STON1: variants seen among roughly 807,000 people sequenced by gnomAD.
STON1 encodes the protein stonin-1.
STON1 carries 79 observed loss-of-function variants against 60.9 expected under a neutral mutation model. The observed-to-expected ratio is 1.30, with a 90% confidence interval of 1.08 to 1.56. The LOEUF is 1.56. STON1 is among the 40% of genes most tolerant of loss of function. STON1 has a pLI of 0.00. For synonymous variants in STON1, 363 were observed against 306.9 expected (o/e 1.18, Z -1.91); for missense variants, 1,166 against 858.9 (o/e 1.36, Z -4.47).
chr2:48,587,715 A>G (rs986626389), intron 2 of STON1, among the ~76,000 whole-genome samples: 1 of 152,214 alleles, frequency 6.6e-6, no homozygotes, highest in African/African-American at 2.4e-5. Flanking sequence ...TCATATCACC[A>G]GGCCCACAGA....
At chr2:48,561,668 G>A (rs1172507583) in intron 1 of STON1, among the ~76,000 whole-genome samples, 1 of 152,124 alleles carries the variant, frequency 6.6e-6, no homozygotes, top group Non-Finnish European at 1.5e-5. Flanking sequence ...TAGCATTCCT[G>A]ATTGTCAGTT....
intron 1 of STON1, among the ~76,000 whole-genome samples, chr2:48,570,959 C>T (rs1481983145): frequency 8.1e-5 from 12 of 147,958 alleles, no homozygotes; most frequent in African/African-American, 3.0e-4. Flanking sequence ...ACCTCCTGGG[C>T]TCAAGCGATT....
At chr2:48,545,814 G>T (rs1671842092) in intron 1 of STON1, among the ~76,000 whole-genome samples, 2 of 152,100 alleles carry the variant, frequency 1.3e-5, no homozygotes. Flanking sequence ...CAGGCATTCA[G>T]CCCCCACTTA....
At chr2:48,587,009 A>G (rs1476571584) in intron 2 of STON1, among the ~76,000 whole-genome samples, 1 of 152,156 alleles carries the variant, frequency 6.6e-6, no homozygotes, top group Non-Finnish European at 1.5e-5. Flanking sequence ...ATTAGCCGAG[A>G]TAGCCTGGGA....
chr2:48,535,451 G>T (rs1213540414), intron 1 of STON1, among the ~76,000 whole-genome samples: 1 of 152,090 alleles, frequency 6.6e-6, no homozygotes, highest in Non-Finnish European at 1.5e-5. Flanking sequence ...CAGCTCCTGG[G>T]ATCACTCATC....
At chr2:48,534,272 G>A (rs190483830) in intron 1 of STON1, among the ~76,000 whole-genome samples, 1 of 151,952 alleles carries the variant, frequency 6.6e-6, no homozygotes, top group African/African-American at 2.4e-5. Flanking sequence ...ACTTACATAT[G>A]GTATTTTATT....
chr2:48,552,125 C>G (rs1672130186), intron 1 of STON1, among the ~76,000 whole-genome samples: 1 of 152,188 alleles, frequency 6.6e-6, no homozygotes, highest in Non-Finnish European at 1.5e-5. Context: ...AATGGATAAA[C>G]AAAATGGGGC....
At chr2:48,576,639 A>G (rs547501533) in intron 1 of STON1, among the ~76,000 whole-genome samples, 2 of 151,624 alleles carry the variant, frequency 1.3e-5, no homozygotes, top group East Asian at 1.9e-4. Flanking sequence ...GGCTATTTGT[A>G]TGTCTTTTTT....
At chr2:48,553,776 C>A (rs992587788) in intron 1 of STON1, among the ~76,000 whole-genome samples, 1 of 152,066 alleles carries the variant, frequency 6.6e-6, no homozygotes, top group Non-Finnish European at 1.5e-5. Context: ...GCGTGAGATA[C>A]CATGACTGGC....
At chr2:48,566,971 C>A (rs1672974820) in intron 1 of STON1, among the ~76,000 whole-genome samples, 1 of 151,708 alleles carries the variant, frequency 6.6e-6, no homozygotes, top group Non-Finnish European at 1.5e-5. Flanking sequence ...ATCTATGTCA[C>A]TATTCTCTAA....
At chr2:48,548,741 C>T (rs890006202) in intron 1 of STON1, among the ~76,000 whole-genome samples, 3 of 152,140 alleles carry the variant, frequency 2.0e-5, no homozygotes, top group African/African-American at 7.2e-5. Flanking sequence ...CTCAGGTGAT[C>T]TGCCTGCCTC....
At chr2:48,538,100 C>T (rs754182182) in intron 1 of STON1, among the ~76,000 whole-genome samples, 3 of 151,442 alleles carry the variant, frequency 2.0e-5, no homozygotes, top group East Asian at 2.0e-4. Flanking sequence ...ATTACAGGCA[C>T]GCGCCACCAC....
intron 1 of STON1, among the ~76,000 whole-genome samples, chr2:48,543,684 A>G (rs995864447): frequency 6.6e-6 from 1 of 151,582 alleles, no homozygotes; most frequent in Non-Finnish European, 1.5e-5. Context: ...GGCATACACC[A>G]CCATGCCTAG....
At chr2:48,547,971 C>T (rs939894794) in intron 1 of STON1, among the ~76,000 whole-genome samples, 1 of 152,210 alleles carries the variant, frequency 6.6e-6, no homozygotes, top group African/African-American at 2.4e-5. Context: ...CTTCTCATGT[C>T]CTTACCAAAT....
intron 1 of STON1, among the ~76,000 whole-genome samples, chr2:48,536,973 T>C (rs1430839941): frequency 6.6e-6 from 1 of 152,238 alleles, no homozygotes; most frequent in Non-Finnish European, 1.5e-5. Context: ...TTTTGTTTTT[T>C]TACCCAGCAT....
At chr2:48,553,242 A>G (rs1257041269) in intron 1 of STON1, among the ~76,000 whole-genome samples, 1 of 152,156 alleles carries the variant, frequency 6.6e-6, no homozygotes, top group Non-Finnish European at 1.5e-5. Flanking sequence ...ATTTCAGAAG[A>G]GCAGGGTATG....
At chr2:48,591,524 A>G (rs1674510797) in intron 2 of STON1, 129 bp from the exon 3 acceptor site, 8 of 1,283,736 alleles carry the variant, frequency 6.2e-6, no homozygotes, top group Non-Finnish European at 7.3e-6. Context: ...TGTTGTTTAA[A>G]TGGAATTTGC....
chr2:48,543,619 C>T (rs1671748993), intron 1 of STON1, among the ~76,000 whole-genome samples: 1 of 147,548 alleles, frequency 6.8e-6, no homozygotes, highest in African/African-American at 2.5e-5. Flanking sequence ...GCAACCTTTG[C>T]CTCCTGGGTT....
In STON1 at chr2:48,581,899, C is replaced by A; in HGVS notation, c.1266C>A (p.Asn422Lys). 1 of 1,613,966 alleles carries A rather than the reference C, an allele frequency of 6.2e-7. No individual in the cohort carries two copies. Among genetic ancestry groups the A allele is most frequent in the South Asian group, 1.1e-5 (1 of 90,988 alleles). The change falls in exon 2 of 4, where the codon AAC becomes AAA. Residue 422 changes from asparagine (N) to lysine (K), a missense_variant. By Grantham distance (94) the Asn-to-Lys change is moderately conservative. Coordinates refer to ENST00000404752, the MANE Select transcript of STON1 (RefSeq NM_006873.4). ...EQEISLEIVD[N>K]FWGKVTKEGK... ...AAATTTCCTTGGAAATTGTGGACAA[C>A]TTTTGGGGTAAAGTCACAAAAGAAG...
Sources: gnomAD v4.1 joint callset for allele counts (sites outside exome capture counted in the v4.1 genomes callset) on GRCh38, gnomAD v4.1.1 for gene constraint, MANE v1.5 for transcripts, NCBI Gene and HGNC (gene_info 2026-07-23, HGNC 2026-07-21) for gene names.